Variants in MCTP1 observed in about 807,000 individuals in gnomAD.
MCTP1 encodes the protein multiple C2 and transmembrane domain-containing protein 1.
Under a neutral mutation model 120.6 loss-of-function variants are expected in MCTP1, and 69 were observed. The observed-to-expected ratio is 0.57, with a 90% confidence interval of 0.47 to 0.70. The LOEUF (loss-of-function observed/expected upper bound fraction) is 0.70, where lower values mean the gene tolerates loss of function less well. Ranked by LOEUF, MCTP1 falls within the 30% of genes least tolerant of loss-of-function variation. The pLI is 0.00. For synonymous variants in MCTP1, 529 were observed against 493.1 expected, an observed-to-expected ratio of 1.07 and a Z score of -0.96; for missense variants, 1,203 against 1,248.8, an observed-to-expected ratio of 0.96 and a Z score of 0.55.
chr5:95,181,669 C>T (rs1440074487), intron 1 of MCTP1, among the ~76,000 whole-genome samples: 1 of 152,120 alleles, frequency 6.6e-6, no homozygotes, highest in Non-Finnish European at 1.5e-5. Flanking sequence ...TCAGTTACAA[C>T]ATTTTAAATA....
intron 7 of MCTP1, 148 bp from the exon 8 acceptor site, chr5:94,918,121 T>C: frequency 1.6e-6 from 1 of 614,648 alleles, no homozygotes; most frequent in Non-Finnish European, 2.9e-6. Flanking sequence ...AGAAAATGTC[T>C]TATAGCACAA....
chr5:94,897,160 T>G (rs1326367474), intron 10 of MCTP1, among the ~76,000 whole-genome samples: 2 of 149,784 alleles, frequency 1.3e-5, no homozygotes, highest in Non-Finnish European at 3.0e-5. Flanking sequence ...CCTCACAAGC[T>G]TGGGTGATTC....
intron 17 of MCTP1, among the ~76,000 whole-genome samples, chr5:94,861,883 A>G (rs940105876): frequency 4.6e-5 from 7 of 151,784 alleles, no homozygotes; most frequent in African/African-American, 2.4e-5. Context: ...CAGATAAGTA[A>G]TGCAAGGAGG....
At chr5:95,038,233 T>A in intron 1 of MCTP1, 1 of 364,452 alleles carries the variant, frequency 2.7e-6, no homozygotes. Flanking sequence ...GCACAAAGTA[T>A]CCTTCAGTGA....
rs186703883 is a variant in MCTP1 at position 95,002,230 on chromosome 5, G to A, written c.838+15137C>T. Among the ~76,000 whole-genome samples the A allele has an allele frequency of 3.8e-3, 579 of 152,326 alleles. 4 individuals carry two copies. The highest frequency in any genetic ancestry group is 6.8e-3 in the Middle Eastern group (2 of 294). On this transcript the variant is annotated intron_variant, in intron 2 of 22. Coordinates refer to ENST00000515393, the MANE Select transcript of MCTP1 (RefSeq NM_024717.7). ...TTGCTGCAGGGGTAGAGTCTTCCTGGAGAACCTCTGCTAGGGCAGTGTGGA... is the reference window on the plus strand; with the variant it reads ...TTGCTGCAGGGGTAGAGTCTTCCTGAAGAACCTCTGCTAGGGCAGTGTGGA...
intron 1 of MCTP1, among the ~76,000 whole-genome samples, chr5:95,275,643 T>C (rs947558649): frequency 2.6e-5 from 4 of 152,162 alleles, no homozygotes; most frequent in Admixed American, 1.3e-4. Flanking sequence ...ATATAAAAAG[T>C]TTAATAATGG....
intron 18 of MCTP1, among the ~76,000 whole-genome samples, chr5:94,787,572 C>A (rs1414206879): frequency 5.9e-5 from 9 of 151,902 alleles, no homozygotes; most frequent in African/African-American, 1.9e-4. Flanking sequence ...CTGTTTTACA[C>A]ATGGCAAAGT....
chr5:95,207,603 G>A (rs1341085115), intron 1 of MCTP1, among the ~76,000 whole-genome samples: 1 of 152,152 alleles, frequency 6.6e-6, no homozygotes, highest in Non-Finnish European at 1.5e-5. Flanking sequence ...ATCAGAGTGA[G>A]ACACATTAAT....
At chr5:95,193,192 T>A (rs1750015178) in intron 1 of MCTP1, among the ~76,000 whole-genome samples, 2 of 152,132 alleles carry the variant, frequency 1.3e-5, no homozygotes, top group African/African-American at 4.8e-5. Flanking sequence ...GTAATCATAG[T>A]CATCAATTCA....
chr5:95,280,446 C>A (rs911712068), intron 1 of MCTP1, among the ~76,000 whole-genome samples: 4 of 152,222 alleles, frequency 2.6e-5, no homozygotes, highest in African/African-American at 9.6e-5. Flanking sequence ...ATTCCTCACT[C>A]TTTATCTTAA....
chr5:94,918,585 G>T (rs1561856960), intron 7 of MCTP1, among the ~76,000 whole-genome samples: 1 of 152,170 alleles, frequency 6.6e-6, no homozygotes, highest in Admixed American at 6.5e-5. Context: ...GATTAAGAAA[G>T]ATATAGCTGA....
chr5:95,261,177 TC>T (rs1758438566), intron 1 of MCTP1, among the ~76,000 whole-genome samples: 1 of 152,192 alleles, frequency 6.6e-6, no homozygotes, highest in Non-Finnish European at 1.5e-5. Flanking sequence ...CTGCTATCCA[TC>T]AGACAAATAA....
intron 8 of MCTP1, among the ~76,000 whole-genome samples, chr5:94,914,428 A>G (rs1809550418): frequency 6.6e-6 from 1 of 152,224 alleles, no homozygotes; most frequent in Non-Finnish European, 1.5e-5. Flanking sequence ...TCATCATCAA[A>G]AGTCATGCAT....
intron 18 of MCTP1, among the ~76,000 whole-genome samples, chr5:94,781,950 GTTA>G: frequency 6.6e-6 from 1 of 152,092 alleles, no homozygotes; most frequent in Non-Finnish European, 1.5e-5. Context: ...CCTTTTTAAA[GTTA>G]CATCATAAAC....
intron 1 of MCTP1, among the ~76,000 whole-genome samples, chr5:95,101,900 T>A (rs1756760250): frequency 6.6e-6 from 1 of 152,200 alleles, no homozygotes; most frequent in South Asian, 2.1e-4. Flanking sequence ...ACATAGCTGT[T>A]CTTTGCAACC....
At position 94,706,299 on chromosome 5, in the gene MCTP1, A is replaced by G. The variant is rs534404443; in HGVS notation, c.*1197T>C. 7.9e-5 allele frequency: 12 copies of G among 151,680 alleles called. No individual in the cohort carries two copies. Among genetic ancestry groups the G allele is most frequent in the Non-Finnish European group, 1.5e-4 (10 of 67,758 alleles). The allele number at this position is 151,680 out of a possible 1,614,324, so 9.4% of individuals were successfully genotyped here. A position where few individuals can be genotyped will look rare whatever the true frequency, so the allele number is the denominator to read the frequency against. ...CTCCCTTAGTATACCAGGGAGTGAG[A>G]TATAAAAACTACTTTAAGAGTCTTG... On this transcript the variant is annotated 3_prime_UTR_variant, in exon 23 of 23. Coordinates refer to ENST00000515393, the MANE Select transcript of MCTP1 (RefSeq NM_024717.7).
At chr5:95,264,027 A>G (rs998314750) in intron 1 of MCTP1, among the ~76,000 whole-genome samples, 3 of 152,204 alleles carry the variant, frequency 2.0e-5, no homozygotes, top group Non-Finnish European at 4.4e-5. Flanking sequence ...GGGACAGTAA[A>G]AGAAGCTGAG....
intron 3 of MCTP1, among the ~76,000 whole-genome samples, chr5:94,950,878 C>T (rs1436753179): frequency 1.3e-5 from 2 of 148,570 alleles, no homozygotes; most frequent in South Asian, 2.1e-4. Flanking sequence ...ACTCAGGAGG[C>T]GGAGCTTGCA....
At chr5:95,225,196 A>G (rs1167829505) in intron 1 of MCTP1, among the ~76,000 whole-genome samples, 2 of 152,206 alleles carry the variant, frequency 1.3e-5, no homozygotes, top group Non-Finnish European at 2.9e-5. Flanking sequence ...TGGATTCTCC[A>G]TGGACTCAGC....
Sources: allele counts gnomAD v4.1 joint callset (sites outside exome capture counted in the v4.1 genomes callset), GRCh38; gene constraint gnomAD v4.1.1; transcripts MANE v1.5; gene names NCBI Gene and HGNC (gene_info 2026-07-23, HGNC 2026-07-21).